The following OR5A1 variants were observed in gnomAD, a reference collection of about 807,000 sequenced individuals.
OR5A1 encodes the protein olfactory receptor family 5 subfamily A member 1, also known as olfactory receptor 5A1.
Under a neutral mutation model 6.7 loss-of-function variants are expected in OR5A1, and 6 were observed. The ratio of observed to expected loss-of-function variants is 0.89; its 90% confidence interval spans 0.49 to 1.76. The LOEUF (loss-of-function observed/expected upper bound fraction) is 1.76, where lower values mean the gene tolerates loss of function less well. Among genes scored for constraint, OR5A1 ranks in the 40% most tolerant of loss-of-function variants. OR5A1 has a pLI of 0.01. For missense variants in OR5A1, 378 were observed against 381.7 expected (o/e 0.99, Z 0.08); for synonymous variants, 170 against 155.0 (o/e 1.10, Z -0.72).
chr11:59,436,513 T>G lies in OR5A1; in HGVS notation c.-356T>G, dbSNP rs1467097849. 6.6e-6 allele frequency: 1 copy of G among 152,198 alleles called. No individual in the cohort carries two copies. The highest frequency in any genetic ancestry group is 1.5e-5 in the Non-Finnish European group (1 of 68,074). 9.4% of individuals were successfully genotyped at this position (152,198 alleles called of 1,614,324 possible). A position where few individuals can be genotyped will look rare whatever the true frequency, so the allele number is the denominator to read the frequency against. ...AGAAGAAAAAAACCTCTCCCCAATT[T>G]ACCCCCAACCCCAGCTTTGAACATT... On this transcript the variant is annotated 5_prime_UTR_variant, in exon 1 of 2. Coordinates refer to ENST00000641045, the MANE Select transcript of OR5A1 (RefSeq NM_001004728.2).
intron 1 of OR5A1, among the ~76,000 whole-genome samples, chr11:59,439,038 G>T (rs1858453162): frequency 6.6e-6 from 1 of 152,144 alleles, no homozygotes; most frequent in African/African-American, 2.4e-5. Flanking sequence ...ACCAGATCAG[G>T]ATTGGCGGGG....
Position 59,443,969 on chromosome 11 carries a change from C to A in OR5A1, c.801C>A (p.Ser267=). 1.9e-6 allele frequency: 3 copies of A among 1,614,144 alleles called. No homozygotes were observed. The highest frequency in any genetic ancestry group is 2.5e-6 in the Non-Finnish European group (3 of 1,180,016). The change falls in exon 2 of 2, where the codon TCC becomes TCA. Residue 267 remains serine (S), a synonymous_variant. Transcript: ENST00000641045. Reference sequence around the variant, plus strand: ...TTTTCGTGTACTTGCGACCCAGCTCCAGCTACTTGCTAGGCAGGGACAAGG... The same window carrying A: ...TTTTCGTGTACTTGCGACCCAGCTCAAGCTACTTGCTAGGCAGGGACAAGG... ...TALFVYLRPS[S]SYLLGRDKVV... is the part of the protein sequence containing the mutation.
rs1858603870 is a variant in OR5A1, at chr11:59,450,457, C to T, written c.*6341C>T. 1 of 152,146 alleles carries T rather than the reference C, an allele frequency of 6.6e-6. No homozygotes were observed. The highest frequency in any genetic ancestry group is 1.5e-5 in the Non-Finnish European group (1 of 68,036). 9.4% of individuals were successfully genotyped at this position (152,146 alleles called of 1,614,324 possible). A position where few individuals can be genotyped will look rare whatever the true frequency, so the allele number is the denominator to read the frequency against. ...GCTGTCTTTCCCACACACCCTTTTC[C>T]ATAATAAGTCAGCTTCTTAGAACAA... On this transcript the variant is annotated 3_prime_UTR_variant, in exon 2 of 2. Transcript: ENST00000641045.
chr11:59,449,216 G>A lies in OR5A1; in HGVS notation c.*5100G>A, dbSNP rs1268366171. On this transcript the variant is annotated 3_prime_UTR_variant, in exon 2 of 2. Transcript: ENST00000641045. ...TAGACTTCTTATTCAGCATCAGTTA[G>A]GAACAGTGTAAACTGTTCATGTGTT... 1 of 152,116 alleles carries A rather than the reference G, an allele frequency of 6.6e-6. No individual in the cohort carries two copies. Among genetic ancestry groups the A allele is most frequent in the African/African-American group, 2.4e-5 (1 of 41,412 alleles). 9.4% of individuals were successfully genotyped at this position (152,116 alleles called of 1,614,324 possible). A position where few individuals can be genotyped will look rare whatever the true frequency, so the allele number is the denominator to read the frequency against.
At chr11:59,442,310 C>T (rs748218555) in intron 1 of OR5A1, among the ~76,000 whole-genome samples, 37 of 152,120 alleles carry the variant, frequency 2.4e-4, no homozygotes, top group Non-Finnish European at 4.3e-4. Flanking sequence ...GTCGCGGTGG[C>T]GTATGCCTGT....
At chr11:59,439,734 T>C (rs1157824404) in intron 1 of OR5A1, among the ~76,000 whole-genome samples, 1 of 152,188 alleles carries the variant, frequency 6.6e-6, no homozygotes, top group Admixed American at 6.5e-5. Flanking sequence ...TTCTCCCTCC[T>C]GATGACAATA....
chr11:59,437,450 T>C (rs1858429954), intron 1 of OR5A1, among the ~76,000 whole-genome samples: 1 of 152,214 alleles, frequency 6.6e-6, no homozygotes, highest in Admixed American at 6.5e-5. Flanking sequence ...TCAGGTTAAT[T>C]TATTTCACTT....
At chr11:59,442,634 A>G (rs144710666) in intron 1 of OR5A1, among the ~76,000 whole-genome samples, 344 of 152,316 alleles carry the variant, frequency 2.3e-3, no homozygotes, top group African/African-American at 7.5e-3. Flanking sequence ...TCGTTTCACA[A>G]CTACATAGCT....
chr11:59,447,784 TAGAC>T lies in OR5A1; in HGVS notation c.*3671_*3674del, dbSNP rs1191578176. 15 of 152,330 alleles carry T rather than the reference TAGAC, an allele frequency of 9.8e-5. No individual in the cohort carries two copies. The highest frequency in any genetic ancestry group is 3.6e-4 in the African/African-American group (15 of 41,562). 9.4% of individuals were successfully genotyped at this position (152,330 alleles called of 1,614,324 possible). On this transcript the variant is annotated 3_prime_UTR_variant, in exon 2 of 2. Transcript: ENST00000641045. The stretch of plus-strand genomic sequence containing the variant: ...GCTGCCCCACAGTGTACACCAGAAT[TAGAC>T]AGGCTAACCCAGGAGAAGCAGGCTT...
Position 59,450,028 on chromosome 11 carries a change from C to T in OR5A1, c.*5912C>T, listed in dbSNP as rs1259598197. 1 of 152,126 alleles carries T rather than the reference C, an allele frequency of 6.6e-6. No homozygotes were observed. Among genetic ancestry groups the T allele is most frequent in the Admixed American group, 6.5e-5 (1 of 15,274 alleles). The allele number at this position is 152,126 out of a possible 1,614,324, so 9.4% of individuals were successfully genotyped here. A position where few individuals can be genotyped will look rare whatever the true frequency, so the allele number is the denominator to read the frequency against. On this transcript the variant is annotated 3_prime_UTR_variant, in exon 2 of 2. Coordinates refer to ENST00000641045, the MANE Select transcript of OR5A1 (RefSeq NM_001004728.2). ...ATTATCACAAGCAAGCCTCACTATG[C>T]AAAGTAAGGTGTATGTTCCCCATTT...
chr11:59,440,648 A>C (rs1858471210), intron 1 of OR5A1, among the ~76,000 whole-genome samples: 1 of 152,178 alleles, frequency 6.6e-6, no homozygotes. Context: ...CCTCCCGCAG[A>C]GCTCTTCTTG....
At position 59,446,788 on chromosome 11, in the gene OR5A1, T is replaced by A. The variant is rs1172692907; in HGVS notation, c.*2672T>A. 6.6e-6 allele frequency: 1 copy of A among 152,236 alleles called. No individual in the cohort carries two copies. The highest frequency in any genetic ancestry group is 1.5e-5 in the Non-Finnish European group (1 of 68,040). 9.4% of individuals were successfully genotyped at this position (152,236 alleles called of 1,614,324 possible). On this transcript the variant is annotated 3_prime_UTR_variant, in exon 2 of 2. Transcript: ENST00000641045. ...CTGGTAAATCTCTCTCTCTGGCTAC[T>A]TGTAACGCATTCACTTTTCCATTGA... is the stretch of plus-strand genomic sequence containing the variant.
Position 59,443,912 on chromosome 11 carries a change from G to C in OR5A1, c.744G>C (p.Leu248=), listed in dbSNP as rs1179238991. ...WKACNTCASH[L]MVVTLLFGTA... ...CCTGCAACACGTGTGCCTCGCATCT[G>C]ATGGTGGTGACTCTGCTGTTTGGGA... The change falls in exon 2 of 2, where the codon CTG becomes CTC. Residue 248 remains leucine (L), a synonymous_variant. Transcript: ENST00000641045. 6.8e-6 allele frequency: 11 copies of C among 1,614,140 alleles called. No homozygotes were observed. Among genetic ancestry groups the C allele is most frequent in the Non-Finnish European group, 9.3e-6 (11 of 1,180,036 alleles).
chr11:59,438,698 C>T (rs1858449309), intron 1 of OR5A1, among the ~76,000 whole-genome samples: 1 of 152,172 alleles, frequency 6.6e-6, no homozygotes, highest in African/African-American at 2.4e-5. Context: ...CACACAGCCT[C>T]AATTATTAGT....
Position 59,444,003 on chromosome 11 carries a change from G to A in OR5A1, c.835G>A (p.Val279Ile). 2 of 1,614,006 alleles carry A rather than the reference G, an allele frequency of 1.2e-6. No individual in the cohort carries two copies. Among genetic ancestry groups the A allele is most frequent in the Non-Finnish European group, 1.7e-6 (2 of 1,179,972 alleles). Residue 279 changes from valine (V) to isoleucine (I), a missense_variant, in exon 2 of 2, where the codon GTT becomes ATT. Val to Ile is a conservative substitution (Grantham distance 29). Coordinates refer to ENST00000641045, the MANE Select transcript of OR5A1 (RefSeq NM_001004728.2). ...YLLGRDKVVS[V>I]FYSLVIPMLN... is the part of the protein sequence containing the mutation. ...GCTAGGCAGGGACAAGGTGGTGTCT[G>A]TTTTCTATTCATTGGTGATCCCCAT... is the stretch of plus-strand genomic sequence containing the variant.
Position 59,443,161 on chromosome 11 carries a change from C to T in OR5A1, c.-8C>T, listed in dbSNP as rs375009369. 88 of 1,607,854 alleles carry T rather than the reference C, an allele frequency of 5.5e-5. No homozygotes were observed. Among genetic ancestry groups the T allele is most frequent in the South Asian group, 2.0e-4 (18 of 90,482 alleles). ...GTCTGCATCTTGTCCTTGTGGTCCA[C>T]GGGAAGCATGTCCATAACCAAAGCC... On this transcript the variant is annotated 5_prime_UTR_variant, in exon 2 of 2. In the 5' UTR this introduces an upstream ATG that the reference lacks. Transcript: ENST00000641045.
At chr11:59,439,782 T>A (rs551819739) in intron 1 of OR5A1, among the ~76,000 whole-genome samples, 2 of 152,308 alleles carry the variant, frequency 1.3e-5, no homozygotes, top group South Asian at 4.1e-4. Context: ...CAGACTCCAA[T>A]CATTAAGTTC....
At chr11:59,441,986 AGAT>A (rs902533610) in intron 1 of OR5A1, among the ~76,000 whole-genome samples, 3 of 146,178 alleles carry the variant, frequency 2.1e-5, no homozygotes, top group Admixed American at 6.8e-5. Context: ...ATAGATAGAT[AGAT>A]GATAGATGAT....
rs1276622331 is a variant in OR5A1, at chr11:59,449,860, G to T, written c.*5744G>T. On this transcript the variant is annotated 3_prime_UTR_variant, in exon 2 of 2. Coordinates refer to ENST00000641045, the MANE Select transcript of OR5A1 (RefSeq NM_001004728.2). The stretch of plus-strand genomic sequence containing the variant: ...CCCTTTGTTCATTCATCTTCAAAAA[G>T]AATTATTGAATAACTGCTATGTTCC... The T allele has an allele frequency of 6.6e-6, 1 of 152,084 alleles. No homozygotes were observed. Among genetic ancestry groups the T allele is most frequent in the Admixed American group, 6.6e-5 (1 of 15,260 alleles). The allele number at this position is 152,084 out of a possible 1,614,324, so 9.4% of individuals were successfully genotyped here.
Sources: allele counts gnomAD v4.1 joint callset (sites outside exome capture counted in the v4.1 genomes callset), GRCh38; gene constraint gnomAD v4.1.1; transcripts MANE v1.5; gene names NCBI Gene and HGNC (gene_info 2026-07-23, HGNC 2026-07-21).